PTPRD: variants seen among roughly 807,000 people sequenced by gnomAD.
PTPRD encodes protein tyrosine phosphatase receptor type D, also known as receptor-type tyrosine-protein phosphatase delta.
In PTPRD, 34 loss-of-function variants were observed where a neutral mutation model predicts 214.5. That is an observed-to-expected ratio of 0.16 (90% CI 0.12 to 0.21). PTPRD has a LOEUF of 0.21. PTPRD is among the 10% of genes least tolerant of loss of function. The pLI, the probability that PTPRD is intolerant of heterozygous loss-of-function variation, is 1.00. For synonymous variants in PTPRD, 1,128 were observed against 845.7 expected, an observed-to-expected ratio of 1.33 and a Z score of -5.79; for missense variants, 2,545 against 2,398.7, an observed-to-expected ratio of 1.06 and a Z score of -1.27.
intron 3 of PTPRD, among the ~76,000 whole-genome samples, chr9:10,230,436 G>GTATCTATC (rs59835845): frequency 0.065 from 9,189 of 140,570 alleles, 333 homozygotes; most frequent in East Asian, 0.097. Context: ...ATGTATCTAT[G>GTATCTATC]TATCTATCTA....
At chr9:9,194,963 T>C (rs1406363887) in intron 9 of PTPRD, among the ~76,000 whole-genome samples, 9 of 151,584 alleles carry the variant, frequency 5.9e-5, no homozygotes, top group African/African-American at 2.2e-4. Flanking sequence ...AATAGTATTA[T>C]CAAGGACCAG....
chr9:10,144,619 G>C (rs1221613833), intron 3 of PTPRD, among the ~76,000 whole-genome samples: 1 of 152,058 alleles, frequency 6.6e-6, no homozygotes, highest in African/African-American at 2.4e-5. Flanking sequence ...ATTTCTACTG[G>C]AGAGCACAAG....
intron 11 of PTPRD, among the ~76,000 whole-genome samples, chr9:8,800,360 G>C (rs904107294): frequency 6.6e-6 from 1 of 152,038 alleles, no homozygotes; most frequent in Non-Finnish European, 1.5e-5. Context: ...AGAACTACTG[G>C]GCTAAATTCC....
intron 9 of PTPRD, among the ~76,000 whole-genome samples, chr9:9,233,552 C>G (rs2099964527): frequency 6.6e-6 from 1 of 152,176 alleles, no homozygotes; most frequent in Admixed American, 6.5e-5. Flanking sequence ...ACCCAAAAGT[C>G]CAAGTTCAAA....
intron 35 of PTPRD, among the ~76,000 whole-genome samples, chr9:8,407,826 ATCTG>A (rs2093149159): frequency 1.3e-5 from 2 of 152,162 alleles, no homozygotes; most frequent in African/African-American, 4.8e-5. Flanking sequence ...ATCTGTATCT[ATCTG>A]TCTGACTGAA....
At chr9:8,807,319 A>T (rs1392933377) in intron 11 of PTPRD, among the ~76,000 whole-genome samples, 1 of 152,154 alleles carries the variant, frequency 6.6e-6, no homozygotes, top group East Asian at 1.9e-4. Context: ...CCTGGGTGAC[A>T]GAGCGAGACT....
At position 9,042,614 on chromosome 9, in the gene PTPRD, C is replaced by CTTTTTTTTTT. The variant is rs775574124; in HGVS notation, c.-142-23880_-142-23879insAAAAAAAAAA. 6.6e-4 allele frequency among the ~76,000 whole-genome samples: 74 copies of CTTTTTTTTTT among 112,372 alleles called. 1 individual carries two copies. Among genetic ancestry groups the CTTTTTTTTTT allele is most frequent in the East Asian group, 1.0e-3 (4 of 3,886 alleles). The allele number at this position is 112,372 out of a possible 152,430, so 73.7% of individuals were successfully genotyped here. A position where few individuals can be genotyped will look rare whatever the true frequency, so the allele number is the denominator to read the frequency against. On this transcript the variant is annotated intron_variant, in intron 10 of 45. Coordinates refer to ENST00000381196, the MANE Select transcript of PTPRD (RefSeq NM_002839.4). ...CCACTTAGCATTTTTTCTTTTTTTT[C>CTTTTTTTTTT]TTTTCTTTTTTTTTTTTTTTGGTCT... is the stretch of plus-strand genomic sequence containing the variant.
chr9:8,522,272 G>A (rs932951735), intron 19 of PTPRD, among the ~76,000 whole-genome samples: 4 of 152,066 alleles, frequency 2.6e-5, no homozygotes, highest in African/African-American at 9.7e-5. Flanking sequence ...AAGAATGGCT[G>A]GAATCCAAGA....
intron 5 of PTPRD, among the ~76,000 whole-genome samples, chr9:9,919,941 G>A (rs10816233): frequency 0.31 from 47,439 of 151,924 alleles, 8,305 homozygotes; most frequent in East Asian, 0.6. Context: ...TGTTACATTT[G>A]TAACACCTAT....
intron 10 of PTPRD, among the ~76,000 whole-genome samples, chr9:9,063,649 T>C (rs1400543609): frequency 2.0e-5 from 3 of 152,202 alleles, no homozygotes; most frequent in East Asian, 1.9e-4. Context: ...CTCAAAAACA[T>C]ACAGTGAGTG....
chr9:10,305,915 C>G (rs936225554), intron 3 of PTPRD, among the ~76,000 whole-genome samples: 1 of 151,996 alleles, frequency 6.6e-6, no homozygotes, highest in African/African-American at 2.4e-5. Context: ...AGCAATCCCA[C>G]TACTGGGTAT....
chr9:9,067,879 C>A (rs1319937860), intron 10 of PTPRD, among the ~76,000 whole-genome samples: 1 of 152,064 alleles, frequency 6.6e-6, no homozygotes, highest in African/African-American at 2.4e-5. Context: ...AATTTTATCA[C>A]ATGTAGATTT....
At chr9:8,958,654 G>A (rs1199859513) in intron 11 of PTPRD, 1 of 151,898 alleles carries the variant, frequency 6.6e-6, no homozygotes, top group South Asian at 2.1e-4. Context: ...GAGCCAATAA[G>A]GTACAGAAGG....
intron 17 of PTPRD, among the ~76,000 whole-genome samples, chr9:8,525,485 G>C (rs1210528123): frequency 1.3e-5 from 2 of 151,988 alleles, no homozygotes; most frequent in African/African-American, 4.8e-5. Context: ...CTGCTGAAGA[G>C]AGCCAAAAAT....
Position 9,383,060 on chromosome 9 carries a change from C to T in PTPRD, c.-203+14389G>A, listed in dbSNP as rs543903887. ...TAGGTAAAATTCCCTGCCATGTCAC[C>T]ACCAGACTGTGTTTCTATATTTCTT... On this transcript the variant is annotated intron_variant, in intron 9 of 45. Coordinates refer to ENST00000381196, the MANE Select transcript of PTPRD (RefSeq NM_002839.4). Among the ~76,000 whole-genome samples the T allele has an allele frequency of 3.4e-3, 516 of 152,114 alleles. 7 individuals are homozygous for T. The highest frequency in any genetic ancestry group is 0.012 in the African/African-American group (489 of 41,530).
intron 11 of PTPRD, among the ~76,000 whole-genome samples, chr9:8,837,721 C>T (rs1037491280): frequency 6.6e-6 from 1 of 152,106 alleles, no homozygotes; most frequent in African/African-American, 2.4e-5. Flanking sequence ...AGGCTGGTCT[C>T]AAACTTCTAG....
chr9:10,338,672 G>A (rs567784084), intron 3 of PTPRD, among the ~76,000 whole-genome samples: 23 of 151,772 alleles, frequency 1.5e-4, no homozygotes, highest in South Asian at 1.0e-3. Flanking sequence ...TAGGTCCTAC[G>A]TCAAAGTGCT....
intron 5 of PTPRD, among the ~76,000 whole-genome samples, chr9:9,897,695 C>G (rs956321197): frequency 6.6e-6 from 1 of 151,988 alleles, no homozygotes; most frequent in Non-Finnish European, 1.5e-5. Context: ...GGATTTTACT[C>G]AAACATAATA....
intron 12 of PTPRD, among the ~76,000 whole-genome samples, chr9:8,655,582 G>C (rs1275445501): frequency 6.6e-6 from 1 of 152,000 alleles, no homozygotes; most frequent in Non-Finnish European, 1.5e-5. Flanking sequence ...ACATAAAGGA[G>C]ATTTAAACAT....
Sources: allele counts gnomAD v4.1 joint callset (sites outside exome capture counted in the v4.1 genomes callset), GRCh38; gene constraint gnomAD v4.1.1; transcripts MANE v1.5; gene names NCBI Gene and HGNC (gene_info 2026-07-23, HGNC 2026-07-21).